Variants in STPG2 observed in about 807,000 individuals in gnomAD.
STPG2 encodes sperm tail PG-rich repeat containing 2.
STPG2 carries 56 observed loss-of-function variants against 54.2 expected under a neutral mutation model. The observed-to-expected ratio is 1.03, with a 90% CI of 0.83 to 1.29. STPG2 has a LOEUF of 1.29. Among genes scored for constraint, STPG2 ranks in the 50% most tolerant of loss-of-function variants. The probability of loss-of-function intolerance (pLI) is 0.00; values close to 1 mark genes in which losing one functional copy is unlikely to be tolerated. For synonymous variants in STPG2, 200 were observed against 181.8 expected (o/e 1.10, Z -0.81); for missense variants, 596 against 544.9 (o/e 1.09, Z -0.93).
chr4:97,906,306 A>T (rs918235544), intron 8 of STPG2, among the ~76,000 whole-genome samples: 1 of 152,222 alleles, frequency 6.6e-6, no homozygotes, highest in Non-Finnish European at 1.5e-5. Context: ...CCCTCCCAAG[A>T]CTAAACCAGG....
chr4:97,521,044 C>T (rs1731170153), intron 4 of STPG2, among the ~76,000 whole-genome samples: 1 of 151,570 alleles, frequency 6.6e-6, no homozygotes, highest in Non-Finnish European at 1.5e-5. Flanking sequence ...TTAAATGTTC[C>T]ACATGTGATG....
chr4:98,080,166 G>C (rs560471229), intron 5 of STPG2, among the ~76,000 whole-genome samples: 6 of 151,920 alleles, frequency 3.9e-5, no homozygotes, highest in Admixed American at 3.3e-4. Flanking sequence ...CACATATAAA[G>C]AAAATTACGT....
chr4:97,797,220 C>G (rs983406834), intron 9 of STPG2, among the ~76,000 whole-genome samples: 1 of 152,162 alleles, frequency 6.6e-6, no homozygotes, highest in African/African-American at 2.4e-5. Flanking sequence ...ACTTCCAACA[C>G]TATGTTGAAT....
intron 5 of STPG2, among the ~76,000 whole-genome samples, chr4:98,013,647 C>G (rs1735831803): frequency 8.5e-6 from 1 of 117,968 alleles, no homozygotes; most frequent in South Asian, 2.9e-4. Flanking sequence ...AATTTCAGAA[C>G]TTGTTATTGG....
At chr4:97,911,280 C>A (rs1486481733) in intron 8 of STPG2, among the ~76,000 whole-genome samples, 2 of 152,248 alleles carry the variant, frequency 1.3e-5, no homozygotes, top group Non-Finnish European at 2.9e-5. Context: ...CTGGGAATTC[C>A]AATGAGGCAG....
intron 10 of STPG2, among the ~76,000 whole-genome samples, chr4:97,612,036 A>G (rs1485023213): frequency 6.6e-6 from 1 of 151,908 alleles, no homozygotes; most frequent in Non-Finnish European, 1.5e-5. Flanking sequence ...ATAAGATTAC[A>G]AATGTTTTAA....
intron 10 of STPG2, among the ~76,000 whole-genome samples, chr4:97,657,017 T>C (rs1198190064): frequency 3.9e-5 from 6 of 152,080 alleles, no homozygotes; most frequent in Admixed American, 2.6e-4. Context: ...TTTTCAATCA[T>C]AGTTTAAACT....
At position 97,498,691 on chromosome 4, in the gene STPG2, A is replaced by G. The variant is rs542439373; in HGVS notation, c.462+214008T>C. 3.6e-4 allele frequency among the ~76,000 whole-genome samples: 54 copies of G among 152,082 alleles called. No individual in the cohort carries two copies. The South Asian group carries it at 5.8e-3, about 16-fold the overall frequency. On this transcript the variant is annotated intron_variant, in intron 4 of 4. Coordinates refer to the STPG2 transcript ENST00000522676. ...TAACTAAAATAAAAAAACAAGAAAC[A>G]AAAATACAACAATAGCATGGATTGT...
Position 98,105,043 on chromosome 4 carries a change from C to T in STPG2, c.612+910G>A, listed in dbSNP as rs139885156. Among the ~76,000 whole-genome samples the T allele has an allele frequency of 4.6e-5, 7 of 152,330 alleles. No individual in the cohort carries two copies. In the East Asian group the frequency reaches 9.6e-4, roughly 21 times the overall value. ...AGCAGCCATACTTCAAAGACTCATACGCTGCTGAGTGTTCAAACTGTGTTC... is the reference window on the plus strand; with the variant it reads ...AGCAGCCATACTTCAAAGACTCATATGCTGCTGAGTGTTCAAACTGTGTTC... On this transcript the variant is annotated intron_variant, in intron 5 of 10. Transcript: ENST00000295268.
In STPG2 at chr4:97,988,818, G is replaced by C. The variant is rs1015321395; in HGVS notation, c.613-7500C>G. 2.0e-5 allele frequency among the ~76,000 whole-genome samples: 3 copies of C among 152,178 alleles called. No homozygotes were observed. In the South Asian group the frequency reaches 6.2e-4, roughly 32 times the overall value. On this transcript the variant is annotated intron_variant, in intron 5 of 10. Coordinates refer to ENST00000295268, the MANE Select transcript of STPG2 (RefSeq NM_174952.3). The stretch of plus-strand genomic sequence containing the variant: ...ATGGGTTTTTGCCATGTTGATCTTG[G>C]GTTCCCCAGACTGGTCTTGAACCGA...
rs1724747924 is a variant in STPG2 at position 97,729,952 on chromosome 4, A to C, written c.1205-17138T>G. Reference sequence around the variant, plus strand: ...TATTTTGTATCTTGCAGCTATACTGAATTCATTTATTAGTTCTCAGAGTTC... The same window carrying C: ...TATTTTGTATCTTGCAGCTATACTGCATTCATTTATTAGTTCTCAGAGTTC... On this transcript the variant is annotated intron_variant, in intron 9 of 10. Transcript: ENST00000295268. Among the ~76,000 whole-genome samples, 5 of 152,108 alleles carry C rather than the reference A, an allele frequency of 3.3e-5. No homozygotes were observed. The South Asian group carries it at 8.3e-4, about 25-fold the overall frequency.
chr4:97,861,609 C>T (rs1729544395), intron 8 of STPG2, among the ~76,000 whole-genome samples: 1 of 151,992 alleles, frequency 6.6e-6, no homozygotes, highest in African/African-American at 2.4e-5. Context: ...CTTACGCGTC[C>T]ATCAGGAGAC....
At chr4:97,475,985 T>A (rs181088861) in intron 4 of STPG2, among the ~76,000 whole-genome samples, 1 of 152,216 alleles carries the variant, frequency 6.6e-6, no homozygotes, top group Non-Finnish European at 1.5e-5. Context: ...ATTTTTTCTC[T>A]GTACCATTAG....
intron 9 of STPG2, among the ~76,000 whole-genome samples, chr4:97,829,444 C>CA (rs201369171): frequency 0.013 from 1,921 of 152,168 alleles, 45 homozygotes; most frequent in African/African-American, 0.044. Context: ...CTGAAAATTC[C>CA]AAAAACCAGA....
chr4:97,961,279 A>G (rs539095773), intron 7 of STPG2, among the ~76,000 whole-genome samples: 1 of 152,286 alleles, frequency 6.6e-6, no homozygotes, highest in East Asian at 1.9e-4. Context: ...CCTTCTAGAC[A>G]TTGGCTTAGG....
intron 7 of STPG2, among the ~76,000 whole-genome samples, chr4:97,969,794 G>A (rs1361461418): frequency 6.6e-6 from 1 of 152,166 alleles, no homozygotes; most frequent in Non-Finnish European, 1.5e-5. Context: ...TCAACATAGT[G>A]TTGGAAGTTC....
At chr4:97,757,155 G>A (rs575001636) in intron 9 of STPG2, among the ~76,000 whole-genome samples, 1 of 152,214 alleles carries the variant, frequency 6.6e-6, no homozygotes, top group East Asian at 1.9e-4. Flanking sequence ...CATATTACAC[G>A]TATTGCCCAT....
chr4:97,546,998 C>A (rs1262429568), intron 4 of STPG2, among the ~76,000 whole-genome samples: 1 of 151,886 alleles, frequency 6.6e-6, no homozygotes, highest in African/African-American at 2.4e-5. Flanking sequence ...ATACCTGATT[C>A]CTAATATAGG....
intron 4 of STPG2, among the ~76,000 whole-genome samples, chr4:97,540,292 T>C (rs1032898084): frequency 6.6e-6 from 1 of 151,968 alleles, no homozygotes. Context: ...ATAAAGGGGA[T>C]ATCACCACCG....
Sources: gnomAD v4.1 joint callset for allele counts (sites outside exome capture counted in the v4.1 genomes callset) on GRCh38, gnomAD v4.1.1 for gene constraint, MANE v1.5 for transcripts, NCBI Gene and HGNC (gene_info 2026-07-23, HGNC 2026-07-21) for gene names.